MAPK8IP3: variants seen among roughly 807,000 people sequenced by gnomAD.
MAPK8IP3 encodes the protein mitogen-activated protein kinase 8 interacting protein 3.
Under a neutral mutation model 157.8 loss-of-function variants are expected in MAPK8IP3, and 49 were observed. The ratio of observed to expected loss-of-function variants is 0.31; its 90% CI spans 0.25 to 0.39. MAPK8IP3 has a LOEUF of 0.39. MAPK8IP3 is among the 10% of genes least tolerant of loss of function. The probability of loss-of-function intolerance (pLI) is 1.00; values close to 1 mark genes in which losing one functional copy is unlikely to be tolerated. For synonymous variants in MAPK8IP3, 897 were observed against 777.7 expected, an observed-to-expected ratio of 1.15 and a Z score of -2.55; for missense variants, 1,478 against 1,889.4, an observed-to-expected ratio of 0.78 and a Z score of 4.04.
intron 1 of MAPK8IP3, among the ~76,000 whole-genome samples, chr16:1,709,591 G>A (rs1596528826): frequency 6.6e-6 from 1 of 152,236 alleles, no homozygotes; most frequent in Admixed American, 6.5e-5. Flanking sequence ...GGTTGTGCAG[G>A]CTCTGATACA....
intron 4 of MAPK8IP3, among the ~76,000 whole-genome samples, chr16:1,735,547 G>GTGTGAGAGTGTGACCGTCCA (rs2039652047): frequency 1.5e-5 from 2 of 136,510 alleles, no homozygotes; most frequent in Non-Finnish European, 3.1e-5. Flanking sequence ...GTGAGCGTCC[G>GTGTGAGAGTGTGACCGTCCA]TGTGAGAGTG....
At chr16:1,713,013 GC>G (rs2037896225) in intron 1 of MAPK8IP3, among the ~76,000 whole-genome samples, 1 of 152,224 alleles carries the variant, frequency 6.6e-6, no homozygotes, top group Non-Finnish European at 1.5e-5. Context: ...GGAGATGCTG[GC>G]CATCTGTGTG....
At chr16:1,738,479 CGT>C (rs1176620876) in intron 4 of MAPK8IP3, among the ~76,000 whole-genome samples, 4 of 77,568 alleles carry the variant, frequency 5.2e-5, no homozygotes, top group African/African-American at 2.1e-4. Flanking sequence ...TGTGAGCATC[CGT>C]GTGAGCGTGT....
rs1490221018 is a variant in MAPK8IP3 at position 1,706,723 on chromosome 16, C to T, written c.318+66C>T. 1 of 1,452,216 alleles carries T rather than the reference C, an allele frequency of 6.9e-7. No individual in the cohort carries two copies. The highest frequency in any genetic ancestry group is 9.1e-7 in the Non-Finnish European group (1 of 1,097,394). The allele number at this position is 1,452,216 out of a possible 1,614,324, so 90.0% of individuals were successfully genotyped here. ...CCCCCAGCCAGCCCCGGGCCCCGGA[C>T]CCAACACCCGTCCCGACCCCAGACC... On this transcript the variant is annotated intron_variant, in intron 1 of 31. Coordinates refer to ENST00000610761, the MANE Select transcript of MAPK8IP3 (RefSeq NM_001318852.2). This position sits in a 1 kb window ranked among gnomAD's most constrained non-coding sequence, Gnocchi z 5.1.
At chr16:1,734,205 G>A (rs989151207) in intron 4 of MAPK8IP3, among the ~76,000 whole-genome samples, 10 of 152,284 alleles carry the variant, frequency 6.6e-5, no homozygotes, top group Admixed American at 6.5e-4. Context: ...GGCCCTGCGG[G>A]AAGAAGGCGC....
chr16:1,706,765 G>A lies in MAPK8IP3; in HGVS notation c.318+108G>A. 1.6e-6 allele frequency: 2 copies of A among 1,244,148 alleles called. No individual in the cohort carries two copies. Among genetic ancestry groups the A allele is most frequent in the Non-Finnish European group, 2.1e-6 (2 of 936,560 alleles). The allele number at this position is 1,244,148 out of a possible 1,614,324, so 77.1% of individuals were successfully genotyped here. A position where few individuals can be genotyped will look rare whatever the true frequency, so the allele number is the denominator to read the frequency against. ...CCCCAGACCCCGCTCCGGCACCCCG[G>A]ACCGCGGGACCCCTGGACCCCCAGA... On this transcript the variant is annotated intron_variant, in intron 1 of 31. Coordinates refer to ENST00000610761, the MANE Select transcript of MAPK8IP3 (RefSeq NM_001318852.2). The surrounding 1 kb of genome is among the most constrained non-coding windows in gnomAD (Gnocchi z 5.1).
In MAPK8IP3 at chr16:1,769,180, T is replaced by G; in HGVS notation, c.*356T>G. 1 of 272,226 alleles carries G rather than the reference T, an allele frequency of 3.7e-6. No homozygotes were observed. The highest frequency in any genetic ancestry group is 7.2e-6 in the Non-Finnish European group (1 of 139,764). 16.9% of individuals were successfully genotyped at this position (272,226 alleles called of 1,614,324 possible). A position where few individuals can be genotyped will look rare whatever the true frequency, so the allele number is the denominator to read the frequency against. On this transcript the variant is annotated 3_prime_UTR_variant, in exon 32 of 32. Coordinates refer to ENST00000610761, the MANE Select transcript of MAPK8IP3 (RefSeq NM_001318852.2). ...TGGGCCTCCTACTCCCCAGCACCCC[T>G]GGAGGAGGCAGGGGCTCCCCGCCGC...
rs922002363 is a variant in MAPK8IP3 at position 1,741,061 on chromosome 16, G to T, written c.603-2271G>T. 3.3e-5 allele frequency among the ~76,000 whole-genome samples: 5 copies of T among 152,018 alleles called. No individual in the cohort carries two copies. The highest frequency in any genetic ancestry group is 1.2e-4 in the African/African-American group (5 of 41,372). ...GGTGGGGCTGGTGCTGACTCGGGGG[G>T]CGACGGGCCAAGGAAGGGCCCCTCT... On this transcript the variant is annotated intron_variant, in intron 4 of 31. Transcript: ENST00000610761. This position sits in a 1 kb window ranked among gnomAD's most constrained non-coding sequence, Gnocchi z 6.9.
rs138078140 is a variant in MAPK8IP3 at position 1,743,302 on chromosome 16, C to A, written c.603-30C>A. On this transcript the variant is annotated intron_variant, in intron 4 of 31. Coordinates refer to ENST00000610761, the MANE Select transcript of MAPK8IP3 (RefSeq NM_001318852.2). The surrounding 1 kb of genome is among the most constrained non-coding windows in gnomAD (Gnocchi z 5.6). ...ATCTTCACGGCCACCCTCTAACCATCGCTTCCTCTCCTCTCGCCCCCCATT... is the reference window on the plus strand; with the variant it reads ...ATCTTCACGGCCACCCTCTAACCATAGCTTCCTCTCCTCTCGCCCCCCATT... 24 of 1,527,144 alleles carry A rather than the reference C, an allele frequency of 1.6e-5. No homozygotes were observed. Among genetic ancestry groups the A allele is most frequent in the Non-Finnish European group, 1.7e-5 (20 of 1,145,158 alleles). The allele number at this position is 1,527,144 out of a possible 1,614,324, so 94.6% of individuals were successfully genotyped here.
chr16:1,746,331 G>A (rs920593234), intron 5 of MAPK8IP3: 1 of 152,238 alleles, frequency 6.6e-6, no homozygotes, highest in African/African-American at 2.4e-5. Flanking sequence ...CTCCTCCCTA[G>A]CGAGCTTCCT....
chr16:1,726,942 A>G (rs1438279184), intron 2 of MAPK8IP3, among the ~76,000 whole-genome samples: 1 of 152,110 alleles, frequency 6.6e-6, no homozygotes, highest in African/African-American at 2.4e-5. Flanking sequence ...TGCAGCGTGC[A>G]GTGTCTATAA....
Position 1,762,671 on chromosome 16 carries a change from G to A in MAPK8IP3, c.1671-4G>A. 6.4e-7 allele frequency: 1 copy of A among 1,550,578 alleles called. No individual in the cohort carries two copies. The highest frequency in any genetic ancestry group is 8.7e-7 in the Non-Finnish European group (1 of 1,146,570). The stretch of plus-strand genomic sequence containing the variant: ...CAGGTTGCTCCCTGTGCCCTCCCCT[G>A]CAGAGCGTCCCGAGAGCACCCATCC... On this transcript the variant is annotated splice_polypyrimidine_tract_variant and splice_region_variant and intron_variant, in intron 14 of 31. Transcript: ENST00000610761.
At chr16:1,758,211 G>T in intron 9 of MAPK8IP3, 52 bp downstream of exon 9, 1 of 1,605,118 alleles carries the variant, frequency 6.2e-7, no homozygotes, top group Non-Finnish European at 8.5e-7. Flanking sequence ...GGGGGGAGTG[G>T]GTGGACGGGG....
chr16:1,735,372 C>A (rs1233935930), intron 4 of MAPK8IP3, among the ~76,000 whole-genome samples: 1 of 150,740 alleles, frequency 6.6e-6, no homozygotes, highest in African/African-American at 2.4e-5. Context: ...ATGTGAGCAT[C>A]CACGTGAGCG....
In MAPK8IP3 at chr16:1,766,816, A is replaced by T; in HGVS notation, c.3020+13A>T. On this transcript the variant is annotated intron_variant, in intron 24 of 31. Transcript: ENST00000610761. ...TGCTGAGCCTGGTGTGGGTGACCCC[A>T]GACCGAGGGCCGGGCGGCGCGGGGG... 6.2e-7 allele frequency: 1 copy of T among 1,612,604 alleles called. No individual in the cohort carries two copies. The highest frequency in any genetic ancestry group is 2.2e-5 in the East Asian group (1 of 44,878).
intron 1 of MAPK8IP3, among the ~76,000 whole-genome samples, chr16:1,722,389 CT>C (rs1310881384): frequency 6.6e-6 from 1 of 152,172 alleles, no homozygotes; most frequent in Non-Finnish European, 1.5e-5. Context: ...ACACAAAGAC[CT>C]TTTTAGAAGC....
chr16:1,765,475 A>C (rs1307070800), intron 20 of MAPK8IP3, among the ~76,000 whole-genome samples: 1 of 152,192 alleles, frequency 6.6e-6, no homozygotes, highest in East Asian at 1.9e-4. Context: ...CGGAGACCAC[A>C]GGAAAACATT....
At position 1,712,141 on chromosome 16, in the gene MAPK8IP3, A is replaced by C. The variant is rs182385445; in HGVS notation, c.318+5484A>C. On this transcript the variant is annotated intron_variant, in intron 1 of 31. Transcript: ENST00000610761. ...CAGTGGCGCAATCTCGGCTCACTGC[A>C]AGCTCCACCTCCCAGGTTTATGCCA... Among the ~76,000 whole-genome samples the C allele has an allele frequency of 1.5e-3, 206 of 137,570 alleles. 3 individuals carry two copies. Among genetic ancestry groups the C allele is most frequent in the East Asian group, 0.01 (47 of 4,562 alleles). 90.3% of individuals were successfully genotyped at this position (137,570 alleles called of 152,430 possible).
chr16:1,706,745 G>A lies in MAPK8IP3; in HGVS notation c.318+88G>A. On this transcript the variant is annotated intron_variant, in intron 1 of 31. Coordinates refer to ENST00000610761, the MANE Select transcript of MAPK8IP3 (RefSeq NM_001318852.2). This position sits in a 1 kb window ranked among gnomAD's most constrained non-coding sequence, Gnocchi z 5.1. The stretch of plus-strand genomic sequence containing the variant: ...GGACCCAACACCCGTCCCGACCCCA[G>A]ACCCCGCTCCGGCACCCCGGACCGC... 7.6e-7 allele frequency: 1 copy of A among 1,323,496 alleles called. No homozygotes were observed. Among genetic ancestry groups the A allele is most frequent in the South Asian group, 1.5e-5 (1 of 64,542 alleles). 82.0% of individuals were successfully genotyped at this position (1,323,496 alleles called of 1,614,324 possible).
Sources: allele counts gnomAD v4.1 joint callset (sites outside exome capture counted in the v4.1 genomes callset), GRCh38; gene constraint gnomAD v4.1.1; non-coding constraint Gnocchi (gnomAD v3.1); transcripts MANE v1.5; gene names NCBI Gene and HGNC (gene_info 2026-07-23, HGNC 2026-07-21).